The following PRPF6 variants were observed in gnomAD, a reference collection of about 807,000 sequenced individuals.
PRPF6 encodes pre-mRNA-processing factor 6.
Under a neutral mutation model 118.3 loss-of-function variants are expected in PRPF6, and 42 were observed. The observed-to-expected ratio is 0.35, with a 90% CI of 0.28 to 0.46. The LOEUF (loss-of-function observed/expected upper bound fraction) is 0.46. PRPF6 is among the 20% of genes least tolerant of loss of function. The pLI, the probability that PRPF6 is intolerant of heterozygous loss-of-function variation, is 1.00. For synonymous variants in PRPF6, 481 were observed against 485.1 expected (o/e 0.99, Z 0.11); for missense variants, 662 against 1,255.7 (o/e 0.53, Z 7.15).
At chr20:64,017,834 C>T (rs918263694) in intron 12 of PRPF6, among the ~76,000 whole-genome samples, 2 of 152,252 alleles carry the variant, frequency 1.3e-5, no homozygotes, top group Non-Finnish European at 2.9e-5. Flanking sequence ...TTCTCTTACA[C>T]AGCCATAGCT....
chr20:64,017,669 C>T (rs1253872086), intron 12 of PRPF6, among the ~76,000 whole-genome samples: 3 of 152,230 alleles, frequency 2.0e-5, no homozygotes, highest in South Asian at 2.1e-4. Flanking sequence ...AGGCGTGAGG[C>T]GCCACGCCTG....
Position 64,013,080 on chromosome 20 carries a change from T to C in PRPF6, c.1524+1577T>C, listed in dbSNP as rs1043910775. Among the ~76,000 whole-genome samples the C allele has an allele frequency of 4.6e-5, 7 of 151,972 alleles. No homozygotes were observed. In the East Asian group the frequency reaches 1.2e-3, roughly 25 times the overall value. ...CTTGGGTTCAAGCAGTTCTCCTACG[T>C]CAGTCACCTGAGTAGCTGGGATTAC... On this transcript the variant is annotated intron_variant, in intron 11 of 20. Transcript: ENST00000266079.
intron 8 of PRPF6, among the ~76,000 whole-genome samples, chr20:64,000,333 A>G (rs1308158305): frequency 6.6e-6 from 1 of 151,790 alleles, no homozygotes; most frequent in African/African-American, 2.4e-5. Context: ...TACTAAAAAT[A>G]TGAAAGTTAG....
intron 8 of PRPF6, among the ~76,000 whole-genome samples, chr20:64,000,242 A>C (rs1302634848): frequency 2.0e-5 from 3 of 152,068 alleles, no homozygotes; most frequent in Non-Finnish European, 4.4e-5. Flanking sequence ...TAATCCCAGC[A>C]CTTTGGGAGG....
chr20:64,003,435 A>C (rs2059176511), intron 9 of PRPF6, among the ~76,000 whole-genome samples: 1 of 152,154 alleles, frequency 6.6e-6, no homozygotes, highest in African/African-American at 2.4e-5. Flanking sequence ...ATATAGTTTC[A>C]TTCACTTACT....
At chr20:63,983,373 A>G in intron 2 of PRPF6, among the ~76,000 whole-genome samples, 158 bp downstream of exon 2, 1 of 152,222 alleles carries the variant, frequency 6.6e-6, no homozygotes, top group Non-Finnish European at 1.5e-5. Context: ...GAGAGGGAGC[A>G]GGAAAAACAC....
chr20:63,990,473 C>CTT (rs534965927), intron 3 of PRPF6, among the ~76,000 whole-genome samples: 2 of 143,250 alleles, frequency 1.4e-5, no homozygotes, highest in South Asian at 2.2e-4. Context: ...TTGCATTTCA[C>CTT]TTTTTTTTTT....
chr20:64,001,459 C>G (rs1237964458), intron 9 of PRPF6, among the ~76,000 whole-genome samples: 1 of 152,172 alleles, frequency 6.6e-6, no homozygotes, highest in Non-Finnish European at 1.5e-5. Context: ...TGGGTTGAGC[C>G]CTCACTCCTG....
chr20:63,989,755 C>T (rs1447196914), intron 3 of PRPF6, among the ~76,000 whole-genome samples: 1 of 151,918 alleles, frequency 6.6e-6, no homozygotes, highest in African/African-American at 2.4e-5. Context: ...CCTTGTGCTC[C>T]ATCCACCTCG....
chr20:64,018,013 G>A (rs895129934), intron 12 of PRPF6, among the ~76,000 whole-genome samples: 1 of 152,134 alleles, frequency 6.6e-6, no homozygotes, highest in African/African-American at 2.4e-5. Flanking sequence ...AACCAGCCTG[G>A]GCAACATGGC....
At chr20:63,994,761 C>T (rs957601062) in intron 4 of PRPF6, among the ~76,000 whole-genome samples, 155 bp from the exon 5 acceptor site, 1 of 152,122 alleles carries the variant, frequency 6.6e-6, no homozygotes, top group Non-Finnish European at 1.5e-5. Flanking sequence ...CAGAATGAGA[C>T]CCATCTCAAA....
At chr20:64,032,212 G>C (rs965793992) in intron 20 of PRPF6, among the ~76,000 whole-genome samples, 168 bp downstream of exon 20, 3 of 152,340 alleles carry the variant, frequency 2.0e-5, no homozygotes, top group Admixed American at 2.0e-4. Flanking sequence ...TCCCCACAAG[G>C]CAGTCTCTGC....
In PRPF6 at chr20:63,994,980, A is replaced by G. The variant is rs1364851051; in HGVS notation, c.503A>G (p.Asn168Ser). 19 of 1,614,118 alleles carry G rather than the reference A, an allele frequency of 1.2e-5. No individual in the cohort carries two copies. Among genetic ancestry groups the G allele is most frequent in the Non-Finnish European group, 1.5e-5 (18 of 1,180,050 alleles). ...LSIPEVGDAR[N>S]KRQRNPRYEK... ...ATCCCCGAGGTTGGCGATGCCAGAA[A>G]TAAACGTCAGCGGAACCCACGCTAT... The change falls in exon 5 of 21, where the codon AAT becomes AGT. Residue 168 changes from asparagine (N) to serine (S), a missense_variant. Asn to Ser is a conservative substitution (Grantham distance 46). Coordinates refer to ENST00000266079, the MANE Select transcript of PRPF6 (RefSeq NM_012469.4).
rs537058624 is a variant in PRPF6 at position 64,028,089 on chromosome 20, G to C, written c.2339+353G>C. Among the ~76,000 whole-genome samples, 80 of 152,270 alleles carry C rather than the reference G, an allele frequency of 5.3e-4. 2 individuals are homozygous for C. In the South Asian group the frequency reaches 0.017, roughly 32 times the overall value. ...CCTGGAGGTGGACAGGAGCCTGCTA[G>C]GTGCAGGCTCTGTTCATGGAGGTGC... On this transcript the variant is annotated intron_variant, in intron 17 of 20. Transcript: ENST00000266079. The surrounding 1 kb of genome is among the most constrained non-coding windows in gnomAD (Gnocchi z 6.5).
rs951196288 is a variant in PRPF6, at chr20:64,011,700, G to C, written c.1524+197G>C. ...CTTGATGGATTCAGGCCTGGAGTTC[G>C]TCTTGGGGTGAACACTTCAGAAGCC... is the stretch of plus-strand genomic sequence containing the variant. On this transcript the variant is annotated intron_variant, in intron 11 of 20. Transcript: ENST00000266079. This position sits in a 1 kb window ranked among gnomAD's most constrained non-coding sequence, Gnocchi z 6.7. Among the ~76,000 whole-genome samples the C allele has an allele frequency of 1.2e-4, 18 of 152,262 alleles. No individual in the cohort carries two copies. The highest frequency in any genetic ancestry group is 4.1e-4 in the African/African-American group (17 of 41,476).
chr20:64,027,659 G>A lies in PRPF6; in HGVS notation c.2262G>A (p.Glu754=). Residue 754 remains glutamate, a synonymous_variant, in exon 17 of 21, where the codon GAG becomes GAA. Coordinates refer to ENST00000266079, the MANE Select transcript of PRPF6 (RefSeq NM_012469.4). This position sits in a 1 kb window ranked among gnomAD's most constrained non-coding sequence, Gnocchi z 6.5. ...GGCTTTTGCTCTCTCGGCTGGAGGAGAAGATTGGGCAGCTTACTCGAGCAC... is the reference window on the plus strand; with the variant it reads ...GGCTTTTGCTCTCTCGGCTGGAGGAAAAGATTGGGCAGCTTACTCGAGCAC... ...PLWLLLSRLE[E]KIGQLTRARA... 6.2e-7 allele frequency: 1 copy of A among 1,614,174 alleles called. No individual in the cohort carries two copies. Among genetic ancestry groups the A allele is most frequent in the Non-Finnish European group, 8.5e-7 (1 of 1,180,040 alleles).
At chr20:63,983,758 G>A (rs1338402228) in intron 2 of PRPF6, among the ~76,000 whole-genome samples, 2 of 151,104 alleles carry the variant, frequency 1.3e-5, no homozygotes, top group African/African-American at 2.4e-5. Context: ...CATTTCAAGC[G>A]ATTCTCCTGC....
chr20:63,984,389 C>T (rs1195860858), intron 2 of PRPF6, among the ~76,000 whole-genome samples: 1 of 151,728 alleles, frequency 6.6e-6, no homozygotes, highest in Non-Finnish European at 1.5e-5. Flanking sequence ...CCACTGCACT[C>T]CAGCCTTGGC....
chr20:63,999,699 C>G lies in PRPF6; in HGVS notation c.963C>G (p.Val321=). 2 of 1,614,164 alleles carry G rather than the reference C, an allele frequency of 1.2e-6. No individual in the cohort carries two copies. Among genetic ancestry groups the G allele is most frequent in the Non-Finnish European group, 1.7e-6 (2 of 1,180,030 alleles). The change falls in exon 8 of 21, where the codon GTC becomes GTG. Residue 321 remains valine, a synonymous_variant. Coordinates refer to ENST00000266079, the MANE Select transcript of PRPF6 (RefSeq NM_012469.4). The stretch of plus-strand genomic sequence containing the variant: ...TTGCATCAGCCCGCCTGGAAGAAGT[C>G]ACTGGGAAGCTACAAGTAGCTCGGA... The part of the protein sequence containing the change: ...AWIASARLEE[V]TGKLQVARNL...
Sources: gnomAD v4.1 joint callset for allele counts (sites outside exome capture counted in the v4.1 genomes callset) on GRCh38, gnomAD v4.1.1 for gene constraint, Gnocchi (gnomAD v3.1) non-coding constraint, MANE v1.5 for transcripts, NCBI Gene and HGNC (gene_info 2026-07-23, HGNC 2026-07-21) for gene names.